Variants in ZEB1 observed in about 807,000 individuals in gnomAD.
The protein encoded by ZEB1 is zinc finger E-box binding homeobox 1.
Under a neutral mutation model 84.9 loss-of-function variants are expected in ZEB1, and 21 were observed. The ratio of observed to expected loss-of-function variants is 0.25; its 90% confidence interval spans 0.18 to 0.36. The LOEUF is 0.36. Among genes scored for constraint, ZEB1 ranks in the 10% least tolerant of loss-of-function variants. ZEB1 has a pLI of 1.00. For synonymous variants in ZEB1, 420 were observed against 471.1 expected (o/e 0.89, Z 1.41); for missense variants, 1,104 against 1,330.2 (o/e 0.83, Z 2.65).
At chr10:31,420,514 C>T (rs1261490411) in intron 1 of ZEB1, among the ~76,000 whole-genome samples, 1 of 152,174 alleles carries the variant, frequency 6.6e-6, no homozygotes, top group East Asian at 1.9e-4. Flanking sequence ...TGCTTTGCCT[C>T]TCTGAATTCA....
At chr10:31,354,184 A>G (rs1176176331) in intron 1 of ZEB1, among the ~76,000 whole-genome samples, 2 of 152,210 alleles carry the variant, frequency 1.3e-5, no homozygotes, top group Non-Finnish European at 2.9e-5. Context: ...TTCTTCTGAA[A>G]CAATGATATT....
At chr10:31,341,061 T>A (rs761602596) in intron 1 of ZEB1, among the ~76,000 whole-genome samples, 2 of 152,138 alleles carry the variant, frequency 1.3e-5, no homozygotes, top group Non-Finnish European at 2.9e-5. Context: ...ATGCCATGTT[T>A]AGGAGCTTGA....
At chr10:31,468,234 A>G (rs1031260633) in intron 2 of ZEB1, among the ~76,000 whole-genome samples, 6 of 151,964 alleles carry the variant, frequency 3.9e-5, no homozygotes, top group African/African-American at 1.5e-4. Context: ...GGAGCAGAGC[A>G]TGGGATGGGA....
chr10:31,360,434 A>G (rs1211472717), intron 1 of ZEB1, among the ~76,000 whole-genome samples: 2 of 152,226 alleles, frequency 1.3e-5, no homozygotes, highest in African/African-American at 2.4e-5. Context: ...TCCTTTCCTT[A>G]TACTTTAAGA....
intron 1 of ZEB1, among the ~76,000 whole-genome samples, chr10:31,444,833 G>C (rs1198164255): frequency 6.6e-6 from 1 of 151,670 alleles, no homozygotes; most frequent in Non-Finnish European, 1.5e-5. Flanking sequence ...AGTATAGTTT[G>C]AAGTCAGGTA....
intron 2 of ZEB1, among the ~76,000 whole-genome samples, chr10:31,488,810 C>T (rs573812101): frequency 1.3e-5 from 2 of 151,114 alleles, no homozygotes; most frequent in African/African-American, 4.8e-5. Context: ...TTCCTATTGA[C>T]ATCTGGTCAT....
intron 1 of ZEB1, among the ~76,000 whole-genome samples, chr10:31,368,346 A>G (rs1293830569): frequency 1.3e-5 from 2 of 151,830 alleles, no homozygotes; most frequent in East Asian, 1.9e-4. Context: ...TTGTAGAGAT[A>G]GAGTTTCATT....
intron 1 of ZEB1, among the ~76,000 whole-genome samples, chr10:31,405,893 T>G (rs1004763034): frequency 2.6e-5 from 4 of 152,152 alleles, no homozygotes; most frequent in African/African-American, 9.7e-5. Context: ...CCTCCCTGTG[T>G]CCATGTGTTC....
intron 1 of ZEB1, among the ~76,000 whole-genome samples, chr10:31,375,946 C>T (rs964902244): frequency 1.3e-5 from 2 of 151,402 alleles, no homozygotes; most frequent in South Asian, 2.1e-4. Context: ...ATATAAGTCA[C>T]GAGGATTATT....
chr10:31,336,659 A>G (rs1358661064), intron 1 of ZEB1, among the ~76,000 whole-genome samples: 1 of 152,190 alleles, frequency 6.6e-6, no homozygotes, highest in Admixed American at 6.5e-5. Flanking sequence ...ACAATCTGAT[A>G]GAAAACTGGG....
chr10:31,442,939 A>T (rs940412782), intron 1 of ZEB1, among the ~76,000 whole-genome samples: 2 of 152,168 alleles, frequency 1.3e-5, no homozygotes, highest in African/African-American at 4.8e-5. Flanking sequence ...AATTAGAGAC[A>T]CATGTAGGCA....
At chr10:31,360,813 T>TA in intron 1 of ZEB1, 1 of 681,060 alleles carries the variant, frequency 1.5e-6, no homozygotes, top group East Asian at 2.7e-5. Flanking sequence ...TATATACACT[T>TA]AAAGTAAAAT....
At chr10:31,461,532 C>G (rs2061814010) in intron 2 of ZEB1, among the ~76,000 whole-genome samples, 1 of 151,926 alleles carries the variant, frequency 6.6e-6, no homozygotes, top group African/African-American at 2.4e-5. Context: ...TTTATTGTAA[C>G]CCCGAATGAA....
intron 1 of ZEB1, among the ~76,000 whole-genome samples, chr10:31,369,985 G>T (rs2045409695): frequency 2.6e-5 from 4 of 152,098 alleles, no homozygotes; most frequent in Admixed American, 1.3e-4. Context: ...TCTTGTACTA[G>T]TTGGCCATTT....
rs543079565 is a variant in ZEB1, at chr10:31,528,385, G to T, written c.*1121G>T. 2 of 152,238 alleles carry T rather than the reference G, an allele frequency of 1.3e-5. No individual in the cohort carries two copies. The highest frequency in any genetic ancestry group is 6.8e-3 in the Middle Eastern group (2 of 294). 9.4% of individuals were successfully genotyped at this position (152,238 alleles called of 1,614,324 possible). On this transcript the variant is annotated 3_prime_UTR_variant, in exon 9 of 9. Coordinates refer to ENST00000424869, the MANE Select transcript of ZEB1 (RefSeq NM_001174096.2). ...AAACGAAAGGGAAATTTTCTAATCT[G>T]CTTTATCCATGTACTTGCATTTCAG...
At chr10:31,503,358 C>T (rs1181855265) in intron 4 of ZEB1, among the ~76,000 whole-genome samples, 1 of 152,026 alleles carries the variant, frequency 6.6e-6, no homozygotes, top group African/African-American at 2.4e-5. Context: ...TAATTAAATG[C>T]TAATAAAGCA....
chr10:31,440,527 A>G (rs955785281), intron 1 of ZEB1, among the ~76,000 whole-genome samples: 1 of 152,194 alleles, frequency 6.6e-6, no homozygotes, highest in African/African-American at 2.4e-5. Context: ...CACCACTCCT[A>G]TTCAACATAT....
chr10:31,389,921 C>T (rs569114268), intron 1 of ZEB1, among the ~76,000 whole-genome samples: 3 of 152,058 alleles, frequency 2.0e-5, no homozygotes, highest in Admixed American at 6.6e-5. Context: ...GCTCAATAGC[C>T]GCACGTGGCT....
intron 2 of ZEB1, among the ~76,000 whole-genome samples, chr10:31,493,742 T>G (rs1421610441): frequency 6.6e-6 from 1 of 151,990 alleles, no homozygotes; most frequent in Non-Finnish European, 1.5e-5. Flanking sequence ...GGATGTTGTC[T>G]GTTTTCATTA....
Sources: gnomAD v4.1 joint callset for allele counts (sites outside exome capture counted in the v4.1 genomes callset) on GRCh38, gnomAD v4.1.1 for gene constraint, MANE v1.5 for transcripts, NCBI Gene and HGNC (gene_info 2026-07-23, HGNC 2026-07-21) for gene names.